CALCR: variants seen among roughly 807,000 people sequenced by gnomAD.
CALCR encodes the protein calcitonin receptor.
In CALCR, 47 loss-of-function variants were observed where a neutral mutation model predicts 59.5. The observed-to-expected ratio is 0.79, with a 90% confidence interval of 0.63 to 1.01. The LOEUF (loss-of-function observed/expected upper bound fraction) is 1.01. Among genes scored for constraint, CALCR ranks in the 50% least tolerant of loss-of-function variants. CALCR has a pLI of 0.00. For synonymous variants in CALCR, 213 were observed against 211.3 expected (o/e 1.01, Z -0.07); for missense variants, 566 against 597.1 (o/e 0.95, Z 0.54).
chr7:93,563,713 C>T (rs1310242152), intron 2 of CALCR, among the ~76,000 whole-genome samples: 1 of 152,164 alleles, frequency 6.6e-6, no homozygotes, highest in African/African-American at 2.4e-5. Context: ...AACTGAAAGA[C>T]ATTTTATATC....
intron 4 of CALCR, among the ~76,000 whole-genome samples, 167 bp downstream of exon 4, chr7:93,479,187 A>T (rs1800737538): frequency 6.6e-6 from 1 of 151,906 alleles, no homozygotes; most frequent in Non-Finnish European, 1.5e-5. Context: ...TGGGCAAAGA[A>T]ATTAGGCATA....
At chr7:93,429,894 G>T (rs1799611906) in intron 13 of CALCR, among the ~76,000 whole-genome samples, 2 of 143,494 alleles carry the variant, frequency 1.4e-5, no homozygotes, top group Non-Finnish European at 3.0e-5. Flanking sequence ...AAGTTAAAAA[G>T]TAATTGCACA....
At chr7:93,533,364 G>A (rs1423045698) in intron 2 of CALCR, among the ~76,000 whole-genome samples, 2 of 151,832 alleles carry the variant, frequency 1.3e-5, no homozygotes, top group Non-Finnish European at 2.9e-5. Flanking sequence ...AAATGGCTTG[G>A]CGCCAATCAT....
At chr7:93,513,256 T>C (rs1801585627) in intron 2 of CALCR, among the ~76,000 whole-genome samples, 1 of 152,070 alleles carries the variant, frequency 6.6e-6, no homozygotes, top group African/African-American at 2.4e-5. Context: ...ATGTTCCACA[T>C]AGAATGTGAA....
chr7:93,478,020 A>G (rs1026683476), intron 4 of CALCR, among the ~76,000 whole-genome samples: 1 of 147,016 alleles, frequency 6.8e-6, no homozygotes, highest in Non-Finnish European at 1.5e-5. Flanking sequence ...ATGAAGATTT[A>G]CTTCTATAAA....
At chr7:93,572,477 C>G (rs1255809531) in intron 2 of CALCR, among the ~76,000 whole-genome samples, 2 of 152,144 alleles carry the variant, frequency 1.3e-5, no homozygotes, top group Non-Finnish European at 2.9e-5. Flanking sequence ...CCTATTAACC[C>G]TAATTTGCAG....
At chr7:93,454,839 C>A (rs1433517730) in intron 8 of CALCR, among the ~76,000 whole-genome samples, 3 of 151,718 alleles carry the variant, frequency 2.0e-5, no homozygotes, top group African/African-American at 4.8e-5. Flanking sequence ...AAAAACTACC[C>A]AGGGAAGAAA....
At chr7:93,454,917 TGTGTGTGTG>T (rs1562980199) in intron 8 of CALCR, among the ~76,000 whole-genome samples, 601 of 17,330 alleles carry the variant, frequency 0.035, 6 homozygotes, top group African/African-American at 0.13. Flanking sequence ...CAGGGCATTT[TGTGTGTGTG>T]TGTGTGTGTG....
intron 2 of CALCR, among the ~76,000 whole-genome samples, chr7:93,554,742 T>C (rs1789547443): frequency 6.9e-6 from 1 of 144,868 alleles, no homozygotes; most frequent in Non-Finnish European, 1.5e-5. Flanking sequence ...AAAGCAAAGA[T>C]GATAGATGTT....
intron 2 of CALCR, among the ~76,000 whole-genome samples, chr7:93,548,915 G>A (rs1340880260): frequency 6.7e-6 from 1 of 150,160 alleles, no homozygotes; most frequent in Non-Finnish European, 1.5e-5. Context: ...TTTACTCCCT[G>A]GGACTTTTAT....
At chr7:93,553,800 A>G (rs1789525987) in intron 2 of CALCR, among the ~76,000 whole-genome samples, 2 of 152,266 alleles carry the variant, frequency 1.3e-5, no homozygotes, top group South Asian at 4.1e-4. Flanking sequence ...AAATTATATC[A>G]TATTTGACTA....
chr7:93,446,712 T>C (rs1465284658), intron 8 of CALCR, among the ~76,000 whole-genome samples: 4 of 151,968 alleles, frequency 2.6e-5, no homozygotes, highest in Non-Finnish European at 4.4e-5. Flanking sequence ...TCTGAGATGG[T>C]TTCTTAATTA....
intron 2 of CALCR, among the ~76,000 whole-genome samples, chr7:93,512,018 G>A (rs200569556): frequency 6.6e-6 from 1 of 152,232 alleles, no homozygotes; most frequent in East Asian, 1.9e-4. Flanking sequence ...ATTTCCTCCA[G>A]TTGGAATACT....
At chr7:93,462,067 C>A (rs1800348021) in intron 7 of CALCR, 4 of 1,496,130 alleles carry the variant, frequency 2.7e-6, no homozygotes, top group Non-Finnish European at 3.6e-6. Context: ...ACTTACAATG[C>A]CTTCCTATAT....
At chr7:93,572,811 G>A (rs1045420324) in intron 2 of CALCR, among the ~76,000 whole-genome samples, 2 of 152,242 alleles carry the variant, frequency 1.3e-5, no homozygotes, top group South Asian at 4.1e-4. Context: ...ACAACTCCAA[G>A]ATTATCTATG....
intron 2 of CALCR, among the ~76,000 whole-genome samples, chr7:93,500,409 G>A (rs955175648): frequency 4.6e-5 from 7 of 151,872 alleles, no homozygotes; most frequent in Non-Finnish European, 1.0e-4. Context: ...GGACATCTGG[G>A]GTGTTGTTCA....
intron 7 of CALCR, among the ~76,000 whole-genome samples, chr7:93,466,911 T>C (rs1398880108): frequency 5.9e-5 from 9 of 151,784 alleles, no homozygotes; most frequent in African/African-American, 2.2e-4. Context: ...TTTGCTGATT[T>C]GGCTCTCACA....
intron 2 of CALCR, among the ~76,000 whole-genome samples, chr7:93,544,996 T>A (rs952923508): frequency 1.3e-5 from 2 of 152,064 alleles, no homozygotes; most frequent in Non-Finnish European, 1.5e-5. Flanking sequence ...TTCCCCAGAC[T>A]GTGGAGAAGG....
chr7:93,453,065 T>C (rs1800141732), intron 8 of CALCR, among the ~76,000 whole-genome samples: 1 of 152,048 alleles, frequency 6.6e-6, no homozygotes, highest in African/African-American at 2.4e-5. Context: ...TAGTCCCTTT[T>C]AGATTTAAGC....
Sources: gnomAD v4.1 joint callset for allele counts (sites outside exome capture counted in the v4.1 genomes callset) on GRCh38, gnomAD v4.1.1 for gene constraint, MANE v1.5 for transcripts, NCBI Gene and HGNC (gene_info 2026-07-23, HGNC 2026-07-21) for gene names.